Variants in ZNF215 observed in about 807,000 individuals in gnomAD.
The protein encoded by ZNF215 is zinc finger protein 215, also known as BWSCR2-associated zinc finger protein 2.
Under a neutral mutation model 27.2 loss-of-function variants are expected in ZNF215, and 24 were observed. That is an observed-to-expected ratio of 0.88 (90% confidence interval 0.64 to 1.24). The LOEUF is 1.24. Ranked by LOEUF, ZNF215 falls within the 50% of genes most tolerant of loss-of-function variation. The pLI, the probability that ZNF215 is intolerant of heterozygous loss-of-function variation, is 0.00. For missense variants in ZNF215, 675 were observed against 605.7 expected, an observed-to-expected ratio of 1.11 and a Z score of -1.20; for synonymous variants, 210 against 204.0, an observed-to-expected ratio of 1.03 and a Z score of -0.25.
At chr11:6,984,109 T>TA in intron 5 of ZNF215, 1 of 403,968 alleles carries the variant, frequency 2.5e-6, no homozygotes, top group Non-Finnish European at 4.8e-6. Context: ...CAATGTCCCT[T>TA]AAATTTTTTT....
chr11:6,957,145 T>C lies in ZNF215; in HGVS notation c.*614T>C. Reference sequence around the variant, plus strand: ...GGAGAAGTATGTATTGCTGTTAATCTATATGTATTCTTAAAATCTGCATTT... The same window carrying C: ...GGAGAAGTATGTATTGCTGTTAATCCATATGTATTCTTAAAATCTGCATTT... On this transcript the variant is annotated 3_prime_UTR_variant, in exon 7 of 7. Transcript: ENST00000278319. The C allele has an allele frequency of 1.0e-6, 1 of 985,484 alleles. No individual in the cohort carries two copies. Among genetic ancestry groups the C allele is most frequent in the Non-Finnish European group, 1.2e-6 (1 of 829,952 alleles). 61.0% of individuals were successfully genotyped at this position (985,484 alleles called of 1,614,324 possible).
chr11:6,965,443 T>A (rs1242648146), intron 5 of ZNF215, among the ~76,000 whole-genome samples: 1 of 146,238 alleles, frequency 6.8e-6, no homozygotes, highest in East Asian at 2.0e-4. Flanking sequence ...ATTCAAACAA[T>A]GTTTAAAGAT....
chr11:6,955,965 G>A lies in ZNF215; in HGVS notation c.988G>A (p.Gly330Arg). Residue 330 changes from glycine to arginine, a missense_variant, in exon 7 of 7, where the codon GGG becomes AGG. Coordinates refer to ENST00000278319, the MANE Select transcript of ZNF215 (RefSeq NM_013250.4). ...AIQVGIPSRK[G>R]SPKCDKFKTY... ...ACAAGTGGGAATTCCTTCAAGAAAGGGGTCTCCAAAATGTGATAAGTTTAA... is the reference window on the plus strand; with the variant it reads ...ACAAGTGGGAATTCCTTCAAGAAAGAGGTCTCCAAAATGTGATAAGTTTAA... The A allele has an allele frequency of 1.2e-6, 2 of 1,612,984 alleles. No homozygotes were observed. The highest frequency in any genetic ancestry group is 1.1e-5 in the South Asian group (1 of 90,736).
At chr11:6,971,040 A>T (rs1367583647) in intron 5 of ZNF215, among the ~76,000 whole-genome samples, 1 of 152,134 alleles carries the variant, frequency 6.6e-6, no homozygotes, top group African/African-American at 2.4e-5. Context: ...AGAGTAACCT[A>T]AAGGGTCATG....
chr11:6,938,191 A>G (rs998889875), intron 3 of ZNF215, among the ~76,000 whole-genome samples: 1 of 152,094 alleles, frequency 6.6e-6, no homozygotes, highest in Non-Finnish European at 1.5e-5. Context: ...ACTTGAATAG[A>G]TATTTCTCCA....
intron 5 of ZNF215, among the ~76,000 whole-genome samples, chr11:6,971,377 T>C (rs1053164570): frequency 6.6e-6 from 1 of 152,174 alleles, no homozygotes; most frequent in Non-Finnish European, 1.5e-5. Flanking sequence ...TGCATTTACA[T>C]AGTTCTTTGG....
intron 5 of ZNF215, among the ~76,000 whole-genome samples, chr11:6,983,607 A>G (rs560185121): frequency 3.3e-5 from 5 of 152,334 alleles, no homozygotes; most frequent in Non-Finnish European, 7.4e-5. Flanking sequence ...TATGAGAACT[A>G]AAATAATTTT....
chr11:6,967,253 T>G lies in ZNF215; in HGVS notation c.805+11471T>G, dbSNP rs150793951. Among the ~76,000 whole-genome samples, 337 of 152,342 alleles carry G rather than the reference T, an allele frequency of 2.2e-3. 5 individuals are homozygous for G. In the East Asian group the frequency reaches 0.048, roughly 22 times the overall value. ...GGTTCCAAGTCTTTGCTATTGTGAA[T>G]AGTGCTGCAATAAACATACATGTAT... On this transcript the variant is annotated intron_variant, in intron 5 of 5. Coordinates refer to the ZNF215 transcript ENST00000529903.
downstream of ZNF215, among the ~76,000 whole-genome samples, chr11:6,992,018 T>C (rs1392888630): frequency 6.6e-6 from 1 of 152,204 alleles, no homozygotes; most frequent in Non-Finnish European, 1.5e-5. Flanking sequence ...GCAGAAGTGA[T>C]AGTTTGCACT....
At chr11:6,985,589 T>G (rs976848666), downstream of ZNF215, among the ~76,000 whole-genome samples, 1 of 152,084 alleles carries the variant, frequency 6.6e-6, no homozygotes, top group Non-Finnish European at 1.5e-5. Flanking sequence ...GGAAAAGAAG[T>G]CAAGCTATTT....
chr11:6,934,265 G>C (rs1288950762), intron 3 of ZNF215, among the ~76,000 whole-genome samples: 1 of 152,204 alleles, frequency 6.6e-6, no homozygotes, highest in South Asian at 2.1e-4. Flanking sequence ...ATAACAAAAA[G>C]GTCACATTAA....
downstream of ZNF215, among the ~76,000 whole-genome samples, chr11:6,958,871 G>T (rs764420990): frequency 5.3e-5 from 8 of 152,162 alleles, no homozygotes; most frequent in Non-Finnish European, 1.2e-4. Context: ...GAAGTAGTAG[G>T]CTGGAAGACT....
chr11:6,947,995 G>T (rs1849883925), intron 6 of ZNF215, among the ~76,000 whole-genome samples: 1 of 152,202 alleles, frequency 6.6e-6, no homozygotes, highest in Admixed American at 6.5e-5. Context: ...CATCCTGAGA[G>T]AAATCAGAAG....
At chr11:6,959,202 G>A (rs892228840), downstream of ZNF215, among the ~76,000 whole-genome samples, 3 of 152,146 alleles carry the variant, frequency 2.0e-5, no homozygotes, top group African/African-American at 7.2e-5. Flanking sequence ...TGTTAGGAGA[G>A]ATGATAAAGG....
chr11:6,943,238 A>G (rs758430636), intron 5 of ZNF215, 23 bp downstream of exon 5: 1 of 1,596,686 alleles, frequency 6.3e-7, no homozygotes, highest in African/African-American at 1.4e-5. Flanking sequence ...TGTTTACCTA[A>G]TCTGTCCATT....
chr11:6,965,160 A>ACTGTTC (rs1850594773), intron 5 of ZNF215, among the ~76,000 whole-genome samples: 1 of 152,134 alleles, frequency 6.6e-6, no homozygotes, highest in African/African-American at 2.4e-5. Context: ...TGAAACTTCC[A>ACTGTTC]CACCAAATTG....
At chr11:6,979,517 C>T (rs1448693238) in intron 5 of ZNF215, among the ~76,000 whole-genome samples, 5 of 151,874 alleles carry the variant, frequency 3.3e-5, no homozygotes, top group Non-Finnish European at 7.4e-5. Context: ...AAGACAAATA[C>T]TGTGAATAAG....
chr11:6,967,850 T>G (rs186266997), intron 5 of ZNF215, among the ~76,000 whole-genome samples: 28 of 152,362 alleles, frequency 1.8e-4, no homozygotes, highest in Middle Eastern at 6.8e-3. Flanking sequence ...GTTTTAGTCC[T>G]GAAGTCTTTG....
intron 6 of ZNF215, among the ~76,000 whole-genome samples, chr11:6,944,197 AC>A (rs371239724): frequency 6.8e-4 from 103 of 152,054 alleles, no homozygotes; most frequent in African/African-American, 2.3e-3. Flanking sequence ...AATGGCGTGA[AC>A]CCGGGAGGCG....
Sources: gnomAD v4.1 joint callset for allele counts (sites outside exome capture counted in the v4.1 genomes callset) on GRCh38, gnomAD v4.1.1 for gene constraint, MANE v1.5 for transcripts, NCBI Gene and HGNC (gene_info 2026-07-23, HGNC 2026-07-21) for gene names.